The following MAP3K20 variants were observed in gnomAD, a reference collection of about 807,000 sequenced individuals.
MAP3K20 encodes HCCS-4.
Under a neutral mutation model 85.7 loss-of-function variants are expected in MAP3K20, and 40 were observed. The observed-to-expected ratio is 0.47, with a 90% CI of 0.36 to 0.61. The LOEUF is 0.61. Ranked by LOEUF, MAP3K20 falls within the 20% of genes least tolerant of loss-of-function variation. MAP3K20 has a pLI of 0.00. For synonymous variants in MAP3K20, 325 were observed against 327.7 expected (o/e 0.99, Z 0.09); for missense variants, 817 against 961.7 (o/e 0.85, Z 1.99).
intron 3 of MAP3K20, among the ~76,000 whole-genome samples, chr2:173,176,786 T>G (rs561572963): frequency 6.6e-6 from 1 of 152,306 alleles, no homozygotes; most frequent in South Asian, 2.1e-4. Context: ...GATCCAATTA[T>G]GTACTCTCTA....
chr2:173,266,372 C>A lies in MAP3K20; in HGVS notation c.2025C>A (p.Asp675Glu). 1 of 1,614,114 alleles carries A rather than the reference C, an allele frequency of 6.2e-7. No individual in the cohort carries two copies. Among genetic ancestry groups the A allele is most frequent in the Non-Finnish European group, 8.5e-7 (1 of 1,180,014 alleles). The change falls in exon 20 of 20, where the codon GAC (aspartate) becomes GAA (glutamate). Residue 675 changes from aspartate to glutamate, a missense_variant. Around this residue, in one of 4 missense-constraint regions of MAP3K20, gnomAD observed 454 missense variants for 476.9 expected, o/e 0.95. Coordinates refer to ENST00000375213, the MANE Select transcript of MAP3K20 (RefSeq NM_016653.3). ...DTSSERGRYS[D>E]RSRNKYGRGS... is the part of the protein sequence containing the mutation. The stretch of plus-strand genomic sequence containing the variant: ...CTTCAGAGAGGGGTCGATACTCAGA[C>A]AGAAGCAGGAACAAATATGGACGTG...
chr2:173,181,729 A>G (rs982062503), intron 3 of MAP3K20, among the ~76,000 whole-genome samples: 2 of 152,146 alleles, frequency 1.3e-5, no homozygotes, highest in Admixed American at 6.5e-5. Flanking sequence ...GTCTTCTTAT[A>G]TGCTTACCAC....
chr2:173,205,118 A>AG, intron 9 of MAP3K20, among the ~76,000 whole-genome samples: 1 of 92,262 alleles, frequency 1.1e-5, no homozygotes, highest in East Asian at 2.6e-4. Context: ...AAAAAAAAAA[A>AG]AAAATAAATA....
At chr2:173,098,461 A>G (rs1056254343) in intron 2 of MAP3K20, among the ~76,000 whole-genome samples, 17 of 152,244 alleles carry the variant, frequency 1.1e-4, no homozygotes, top group Non-Finnish European at 2.1e-4. Flanking sequence ...AGCATTATTT[A>G]AAGTATTGTA....
chr2:173,231,006 T>A (rs56003241), intron 12 of MAP3K20, among the ~76,000 whole-genome samples: 56,756 of 150,934 alleles, frequency 0.38, 12,424 homozygotes, highest in Non-Finnish European at 0.5. Context: ...AAAAAAAAAA[T>A]TTTTTTTAAG....
At chr2:173,136,916 T>G (rs1296147623) in intron 2 of MAP3K20, among the ~76,000 whole-genome samples, 5 of 152,228 alleles carry the variant, frequency 3.3e-5, no homozygotes, top group African/African-American at 1.2e-4. Context: ...GCCAGCTGCT[T>G]AGGTTAGGAC....
intron 1 of MAP3K20, among the ~76,000 whole-genome samples, chr2:173,084,036 G>A (rs1687079581): frequency 6.6e-6 from 1 of 152,144 alleles, no homozygotes. Flanking sequence ...GAAACATCCA[G>A]AGAAAGTTCA....
At chr2:173,243,130 C>G (rs939262875) in intron 16 of MAP3K20, among the ~76,000 whole-genome samples, 2 of 152,158 alleles carry the variant, frequency 1.3e-5, no homozygotes, top group African/African-American at 4.8e-5. Context: ...TTTACAGAAC[C>G]TACAGCTTAT....
intron 3 of MAP3K20, among the ~76,000 whole-genome samples, chr2:173,171,508 G>A (rs143126648): frequency 6.6e-6 from 1 of 152,292 alleles, no homozygotes; most frequent in Non-Finnish European, 1.5e-5. Flanking sequence ...AAGGGAACTT[G>A]AGTGGTGATA....
chr2:173,225,755 A>G, intron 11 of MAP3K20: 4 of 985,368 alleles, frequency 4.1e-6, no homozygotes, highest in Non-Finnish European at 4.8e-6. Context: ...TTACGGCAGC[A>G]TACGACCTGA....
Position 173,181,631 on chromosome 2 carries a change from T to C in MAP3K20, c.248-1223T>C, listed in dbSNP as rs576461598. 3.3e-5 allele frequency among the ~76,000 whole-genome samples: 5 copies of C among 152,286 alleles called. No homozygotes were observed. The South Asian group carries it at 1.0e-3, about 32-fold the overall frequency. On this transcript the variant is annotated intron_variant, in intron 3 of 19. Transcript: ENST00000375213. ...CGTAATAGCCAAAAACTGGGAACAA[T>C]CCAAATATCTATCAACTGGGGACTG...
intron 2 of MAP3K20, among the ~76,000 whole-genome samples, chr2:173,155,503 G>A (rs1689439555): frequency 6.6e-6 from 1 of 152,190 alleles, no homozygotes; most frequent in Non-Finnish European, 1.5e-5. Flanking sequence ...TTGGGTGAAT[G>A]TTGAATGGAG....
At chr2:173,090,808 T>C (rs546687134) in intron 1 of MAP3K20, 190 bp from the exon 2 acceptor site, 2 of 1,223,604 alleles carry the variant, frequency 1.6e-6, no homozygotes, top group Admixed American at 8.3e-5. Context: ...AGGTTGTTGT[T>C]GAATTTTGCG....
intron 2 of MAP3K20, among the ~76,000 whole-genome samples, chr2:173,125,701 C>T (rs1042031490): frequency 1.3e-5 from 2 of 152,022 alleles, no homozygotes; most frequent in Non-Finnish European, 2.9e-5. Flanking sequence ...CTTGCTCTGT[C>T]GCCCAGGCTG....
At chr2:173,159,927 T>A (rs1403077541) in intron 2 of MAP3K20, 2 of 152,194 alleles carry the variant, frequency 1.3e-5, no homozygotes, top group East Asian at 3.9e-4. Context: ...CCCAAGTGAC[T>A]GCACACAGTG....
intron 3 of MAP3K20, among the ~76,000 whole-genome samples, chr2:173,171,107 T>G (rs1456194925): frequency 6.6e-6 from 1 of 152,226 alleles, no homozygotes; most frequent in Non-Finnish European, 1.5e-5. Context: ...ACTTTTATCT[T>G]GAGTCTATAT....
At chr2:173,102,967 C>T (rs1054287727) in intron 2 of MAP3K20, among the ~76,000 whole-genome samples, 4 of 151,920 alleles carry the variant, frequency 2.6e-5, no homozygotes, top group South Asian at 2.1e-4. Flanking sequence ...GGAGGAGAAT[C>T]GCTTGAACCC....
chr2:173,173,840 A>G (rs1026260530), intron 3 of MAP3K20, among the ~76,000 whole-genome samples: 1 of 152,242 alleles, frequency 6.6e-6, no homozygotes, highest in Non-Finnish European at 1.5e-5. Context: ...TACATTTTTC[A>G]AAGCCAGCTA....
intron 16 of MAP3K20, among the ~76,000 whole-genome samples, chr2:173,243,742 C>T (rs751597235): frequency 3.9e-5 from 6 of 152,134 alleles, no homozygotes; most frequent in Non-Finnish European, 7.3e-5. Flanking sequence ...CTCAGCCTCC[C>T]GAATAGCTGG....
Sources: gnomAD v4.1 joint callset for allele counts (sites outside exome capture counted in the v4.1 genomes callset) on GRCh38, gnomAD v4.1.1 for gene constraint, gnomAD v4.1.1 regional missense constraint, MANE v1.5 for transcripts, NCBI Gene and HGNC (gene_info 2026-07-23, HGNC 2026-07-21) for gene names.